The following SIL1 variants were observed in gnomAD, a reference collection of about 807,000 sequenced individuals.
SIL1 encodes SIL1 nucleotide exchange factor.
Under a neutral mutation model 49.1 loss-of-function variants are expected in SIL1, and 40 were observed. The ratio of observed to expected loss-of-function variants is 0.81; its 90% CI spans 0.63 to 1.06. SIL1 has a LOEUF of 1.06. SIL1 is among the 50% of genes least tolerant of loss of function. The pLI is 0.00. For synonymous variants in SIL1, 253 were observed against 250.8 expected (o/e 1.01, Z -0.08); for missense variants, 500 against 572.6 (o/e 0.87, Z 1.29).
At chr5:139,056,248 T>C (rs1287027733) in intron 3 of SIL1, among the ~76,000 whole-genome samples, 3 of 128,134 alleles carry the variant, frequency 2.3e-5, no homozygotes, top group Non-Finnish European at 3.3e-5. Flanking sequence ...CCGGCCGCCA[T>C]CCCATCTAGG....
intron 1 of SIL1, among the ~76,000 whole-genome samples, chr5:139,182,442 A>G (rs923113793): frequency 1.3e-5 from 2 of 152,184 alleles, no homozygotes; most frequent in Admixed American, 6.5e-5. Context: ...TCAGCAAATA[A>G]TGGTGGACTG....
intron 5 of SIL1, 126 bp from the exon 6 acceptor site, chr5:139,027,118 T>C (rs1768675696): frequency 3.4e-6 from 3 of 872,338 alleles, no homozygotes; most frequent in Admixed American, 4.2e-5. Context: ...CTCTCATCTA[T>C]GCTATCAAAA....
At position 138,951,373 on chromosome 5, in the gene SIL1, C is replaced by T. The variant is rs150584965; in HGVS notation, c.865-38G>A. ...ACCCAGGGGTAGGTGAGGGGCCAAG[C>T]GAGCTGGACCTGCCCTGAGGCCCAG... is the stretch of plus-strand genomic sequence containing the variant. On this transcript the variant is annotated intron_variant, in intron 8 of 9. Coordinates refer to ENST00000394817, the MANE Select transcript of SIL1 (RefSeq NM_022464.5). 4.8e-5 allele frequency: 75 copies of T among 1,548,486 alleles called. 1 individual carries two copies. The Middle Eastern group carries it at 5.5e-4, about 11-fold the overall frequency.
At chr5:139,062,847 C>T (rs1183775490) in intron 3 of SIL1, among the ~76,000 whole-genome samples, 1 of 152,218 alleles carries the variant, frequency 6.6e-6, no homozygotes, top group Non-Finnish European at 1.5e-5. Flanking sequence ...CTTTTCCAGG[C>T]ATTCCTTCTG....
chr5:139,099,952 A>C (rs1479725624), intron 3 of SIL1, among the ~76,000 whole-genome samples: 1 of 152,224 alleles, frequency 6.6e-6, no homozygotes. Flanking sequence ...TCATAACACA[A>C]AGGATAAATG....
chr5:139,188,916 A>T (rs1039720177), intron 1 of SIL1, among the ~76,000 whole-genome samples: 2 of 152,228 alleles, frequency 1.3e-5, no homozygotes, highest in African/African-American at 4.8e-5. Context: ...CACTAAGCTG[A>T]GTAAGGAAGG....
At position 138,947,086 on chromosome 5, in the gene SIL1, C is replaced by T. The variant is rs368154145; in HGVS notation, c.*31G>A. On this transcript the variant is annotated 3_prime_UTR_variant, in exon 10 of 10. Transcript: ENST00000394817. This position sits in a 1 kb window ranked among gnomAD's most constrained non-coding sequence, Gnocchi z 4.1. The stretch of plus-strand genomic sequence containing the variant: ...CGCTGGCACCCCTCAGCCTCACTAG[C>T]GGCATCCCAGTCCAGTCCTGGTGTG... 71 of 1,560,086 alleles carry T rather than the reference C, an allele frequency of 4.6e-5. No individual in the cohort carries two copies. The highest frequency in any genetic ancestry group is 1.1e-4 in the African/African-American group (8 of 73,748).
At chr5:139,137,467 T>C in intron 1 of SIL1, 1 of 599,510 alleles carries the variant, frequency 1.7e-6, no homozygotes, top group Non-Finnish European at 3.0e-6. Context: ...CTCATCATTT[T>C]ATTTGTTCTG....
At chr5:139,123,262 T>C (rs554944768) in intron 2 of SIL1, among the ~76,000 whole-genome samples, 2 of 152,226 alleles carry the variant, frequency 1.3e-5, no homozygotes, top group Non-Finnish European at 2.9e-5. Flanking sequence ...GGTGTGCTTA[T>C]GAGACTACAG....
intron 1 of SIL1, among the ~76,000 whole-genome samples, chr5:139,179,412 G>A (rs918157665): frequency 2.6e-5 from 4 of 152,174 alleles, no homozygotes; most frequent in Non-Finnish European, 2.9e-5. Flanking sequence ...TATCAAAGTC[G>A]CTCCTGATGA....
At chr5:139,053,459 G>A (rs1490399230) in intron 3 of SIL1, among the ~76,000 whole-genome samples, 2 of 152,168 alleles carry the variant, frequency 1.3e-5, no homozygotes, top group East Asian at 3.8e-4. Context: ...GTTCTTTAAA[G>A]CGAATGATTT....
At chr5:139,130,241 G>A (rs1446501182) in intron 1 of SIL1, among the ~76,000 whole-genome samples, 1 of 152,050 alleles carries the variant, frequency 6.6e-6, no homozygotes, top group African/African-American at 2.4e-5. Context: ...CTATGATAAT[G>A]CCACTGTGCT....
intron 3 of SIL1, among the ~76,000 whole-genome samples, chr5:139,111,981 A>G (rs1256235038): frequency 2.0e-5 from 3 of 152,116 alleles, no homozygotes; most frequent in Admixed American, 2.0e-4. Context: ...AGCGCCTGCG[A>G]TTGCAGGTGC....
At chr5:139,102,251 G>A (rs1215686416) in intron 3 of SIL1, among the ~76,000 whole-genome samples, 1 of 152,158 alleles carries the variant, frequency 6.6e-6, no homozygotes, top group Non-Finnish European at 1.5e-5. Context: ...CTATATGCTG[G>A]AGGCTCTAAC....
At chr5:139,198,224 G>C (rs1383075203) in intron 1 of SIL1, 45 bp downstream of exon 1, 1 of 152,316 alleles carries the variant, frequency 6.6e-6, no homozygotes, top group Non-Finnish European at 1.5e-5. Context: ...AGCGCCCTGA[G>C]CCCCCCGCCC....
intron 1 of SIL1, among the ~76,000 whole-genome samples, chr5:139,161,629 T>C (rs920860928): frequency 1.3e-5 from 2 of 152,226 alleles, no homozygotes; most frequent in African/African-American, 2.4e-5. Flanking sequence ...TGAGCACCAA[T>C]AACATTTAGG....
intron 7 of SIL1, among the ~76,000 whole-genome samples, chr5:138,984,798 A>G (rs1337632943): frequency 6.6e-6 from 1 of 152,188 alleles, no homozygotes; most frequent in Non-Finnish European, 1.5e-5. Flanking sequence ...TGAGGGCCCA[A>G]GCTAGGGTGT....
At chr5:139,082,169 T>A (rs570017212) in intron 3 of SIL1, among the ~76,000 whole-genome samples, 1 of 152,318 alleles carries the variant, frequency 6.6e-6, no homozygotes, top group African/African-American at 2.4e-5. Context: ...CTAGTACAAT[T>A]CGACAAATGT....
At chr5:139,137,246 C>T (rs1750992350) in intron 1 of SIL1, 1 of 691,942 alleles carries the variant, frequency 1.4e-6, no homozygotes, top group Admixed American at 2.1e-5. Context: ...TTCATTTACT[C>T]TTCACGACAA....
Sources: allele counts gnomAD v4.1 joint callset (sites outside exome capture counted in the v4.1 genomes callset), GRCh38; gene constraint gnomAD v4.1.1; non-coding constraint Gnocchi (gnomAD v3.1); transcripts MANE v1.5; gene names NCBI Gene and HGNC (gene_info 2026-07-23, HGNC 2026-07-21).